Variants in CNTNAP4 observed in about 807,000 individuals in gnomAD.
CNTNAP4 encodes contactin-associated protein-like 4.
Under a neutral mutation model 148.4 loss-of-function variants are expected in CNTNAP4, and 98 were observed. The observed-to-expected ratio is 0.66, with a 90% CI of 0.56 to 0.78. CNTNAP4 has a LOEUF of 0.78. Among genes scored for constraint, CNTNAP4 ranks in the 30% least tolerant of loss-of-function variants. The pLI, the probability that CNTNAP4 is intolerant of heterozygous loss-of-function variation, is 0.00. For missense variants in CNTNAP4, 1,935 were observed against 1,565.6 expected (o/e 1.24, Z -3.98); for synonymous variants, 730 against 565.1 (o/e 1.29, Z -4.14).
Position 76,509,500 on chromosome 16 carries a change from G to A in CNTNAP4, c.2365+10806G>A, listed in dbSNP as rs1410251038. Among the ~76,000 whole-genome samples the A allele has an allele frequency of 5.1e-5, 5 of 97,672 alleles. 2 individuals carry two copies. Among genetic ancestry groups the A allele is most frequent in the Admixed American group, 3.0e-4 (3 of 10,096 alleles). The allele number at this position is 97,672 out of a possible 152,430, so 64.1% of individuals were successfully genotyped here. On this transcript the variant is annotated intron_variant, in intron 15 of 23. Transcript: ENST00000611870. ...AAAACACCAAATTTAAGCCAAGATG[G>A]CTCATGAAATTTATATATCTAACGA...
intron 8 of CNTNAP4, among the ~76,000 whole-genome samples, chr16:76,457,883 A>G (rs372368649): frequency 2.7e-5 from 4 of 150,442 alleles, no homozygotes; most frequent in Admixed American, 1.3e-4. Flanking sequence ...TTGGGTTTCA[A>G]TTGAACCCAT....
chr16:76,540,233 G>GA (rs1442876774), intron 20 of CNTNAP4, among the ~76,000 whole-genome samples: 1 of 152,060 alleles, frequency 6.6e-6, no homozygotes, highest in Non-Finnish European at 1.5e-5. Context: ...TCACAGCAAA[G>GA]AAAATGGAAT....
Position 76,355,462 on chromosome 16 carries a change from G to C in CNTNAP4, c.341G>C (p.Ser114Thr). Residue 114 changes from serine (S) to threonine (T), a missense_variant, in exon 3 of 24, where the codon AGT (serine) becomes ACT (threonine). Transcript: ENST00000611870. Reference sequence around the variant, plus strand: ...GTGACCAGCTACCTCCTGATGTTCAGTGATAGTGGCTGGAACTGGAAACAA... The same window carrying C: ...GTGACCAGCTACCTCCTGATGTTCACTGATAGTGGCTGGAACTGGAAACAA... ...NWVTSYLLMF[S>T]DSGWNWKQYR... is the part of the protein sequence containing the mutation. The C allele has an allele frequency of 6.2e-7, 1 of 1,612,900 alleles. No individual in the cohort carries two copies. The highest frequency in any genetic ancestry group is 1.1e-5 in the South Asian group (1 of 90,948).
intron 5 of CNTNAP4, among the ~76,000 whole-genome samples, chr16:76,448,529 A>G (rs558294855): frequency 2.0e-5 from 3 of 152,312 alleles, no homozygotes; most frequent in Admixed American, 1.3e-4. Context: ...TAAAATTTAC[A>G]TAGAAAATGA....
chr16:76,544,234 T>G lies in CNTNAP4; in HGVS notation c.3442+3444T>G, dbSNP rs558290204. Among the ~76,000 whole-genome samples the G allele has an allele frequency of 2.0e-5, 3 of 152,220 alleles. No homozygotes were observed. In the South Asian group the frequency reaches 6.2e-4, roughly 32 times the overall value. ...CCTTTTTTTTTTTTGGAGTTGTAAT[T>G]TGCCTACAATTACAACAAACGACTT... is the stretch of plus-strand genomic sequence containing the variant. On this transcript the variant is annotated intron_variant, in intron 21 of 23. Coordinates refer to ENST00000611870, the MANE Select transcript of CNTNAP4 (RefSeq NM_033401.5).
chr16:76,558,348 C>A, intron 23 of CNTNAP4, 142 bp from the exon 24 acceptor site: 2 of 529,650 alleles, frequency 3.8e-6, no homozygotes, highest in South Asian at 6.6e-5. Context: ...GCCAGAAATA[C>A]CTGAAGTTTT....
At chr16:76,524,779 A>G (rs1036861505) in intron 17 of CNTNAP4, among the ~76,000 whole-genome samples, 1 of 152,174 alleles carries the variant, frequency 6.6e-6, no homozygotes, top group Non-Finnish European at 1.5e-5. Flanking sequence ...TGTATAAAAA[A>G]TAACTGTTGA....
chr16:76,421,497 T>A (rs1891564267), intron 3 of CNTNAP4, among the ~76,000 whole-genome samples: 1 of 152,102 alleles, frequency 6.6e-6, no homozygotes, highest in South Asian at 2.1e-4. Flanking sequence ...GTTACTCTCA[T>A]CTGGGTTTAT....
In CNTNAP4 at chr16:76,418,340, GC is replaced by G. The variant is rs765393709; in HGVS notation, c.391-9111del. Among the ~76,000 whole-genome samples, 425 of 119,418 alleles carry G rather than the reference GC, an allele frequency of 3.6e-3. 1 individual carries two copies. Among genetic ancestry groups the G allele is most frequent in the Middle Eastern group, 7.9e-3 (2 of 252 alleles). 78.3% of individuals were successfully genotyped at this position (119,418 alleles called of 152,430 possible). On this transcript the variant is annotated intron_variant, in intron 3 of 23. Coordinates refer to ENST00000611870, the MANE Select transcript of CNTNAP4 (RefSeq NM_033401.5). The stretch of plus-strand genomic sequence containing the variant: ...TTTTTCTTTTTCTTTTTCTATTACA[GC>G]TTTTTTTTTCTTTGTCTATTACAGC...
chr16:76,487,302 C>T (rs746290952), intron 12 of CNTNAP4, among the ~76,000 whole-genome samples: 7 of 152,158 alleles, frequency 4.6e-5, no homozygotes, highest in South Asian at 4.1e-4. Flanking sequence ...ATGTCTTCTG[C>T]GTTTTCTATC....
At chr16:76,322,691 C>T (rs1962549157) in intron 2 of CNTNAP4, among the ~76,000 whole-genome samples, 1 of 152,152 alleles carries the variant, frequency 6.6e-6, no homozygotes. Flanking sequence ...ACATTTTAAC[C>T]AGTTTCAAAG....
In CNTNAP4 at chr16:76,452,221, G is replaced by C. The variant is rs150013670; in HGVS notation, c.1072-287G>C. Among the ~76,000 whole-genome samples, 272 of 152,170 alleles carry C rather than the reference G, an allele frequency of 1.8e-3. 1 individual carries two copies. Among genetic ancestry groups the C allele is most frequent in the African/African-American group, 6.4e-3 (264 of 41,522 alleles). The stretch of plus-strand genomic sequence containing the variant: ...TCACAGATTCATAATAGAGCCAAAT[G>C]TTTTCGTTTGACCAAGACCAAATGT... On this transcript the variant is annotated intron_variant, in intron 7 of 23. Coordinates refer to ENST00000611870, the MANE Select transcript of CNTNAP4 (RefSeq NM_033401.5).
chr16:76,514,607 C>G (rs150157011), intron 15 of CNTNAP4, among the ~76,000 whole-genome samples: 1,951 of 152,188 alleles, frequency 0.013, 18 homozygotes, highest in Non-Finnish European at 0.017. Flanking sequence ...TTTATGGAAA[C>G]ATCTATGAAC....
chr16:76,479,572 T>A (rs371586507), intron 12 of CNTNAP4, 34 bp downstream of exon 12: 2 of 1,589,254 alleles, frequency 1.3e-6, no homozygotes, highest in Non-Finnish European at 1.7e-6. Flanking sequence ...ACAGTTAAAT[T>A]TGCATGCATG....
At chr16:76,311,954 A>G (rs991094335) in intron 1 of CNTNAP4, among the ~76,000 whole-genome samples, 2 of 152,206 alleles carry the variant, frequency 1.3e-5, no homozygotes, top group African/African-American at 4.8e-5. Context: ...GTTATTTCCA[A>G]TTTGAAAAGC....
chr16:76,329,550 A>G (rs887175507), intron 2 of CNTNAP4, among the ~76,000 whole-genome samples: 3 of 152,338 alleles, frequency 2.0e-5, no homozygotes, highest in East Asian at 1.9e-4. Flanking sequence ...TGTGATTTTT[A>G]TAAAGTCTTT....
chr16:76,497,713 G>C (rs527926209), intron 14 of CNTNAP4, among the ~76,000 whole-genome samples: 2 of 152,142 alleles, frequency 1.3e-5, no homozygotes, highest in Non-Finnish European at 2.9e-5. Flanking sequence ...GGATAGGGGA[G>C]GGATAGCATT....
chr16:76,530,098 A>G (rs1271461247), intron 17 of CNTNAP4, among the ~76,000 whole-genome samples: 1 of 152,066 alleles, frequency 6.6e-6, no homozygotes, highest in East Asian at 1.9e-4. Context: ...AGTCCTTTTC[A>G]TATAAATTTA....
At chr16:76,393,911 C>G (rs1354192161) in intron 3 of CNTNAP4, among the ~76,000 whole-genome samples, 1 of 152,152 alleles carries the variant, frequency 6.6e-6, no homozygotes, top group Non-Finnish European at 1.5e-5. Flanking sequence ...ATAGTCAACA[C>G]AATTGCTTTA....
Sources: allele counts gnomAD v4.1 joint callset (sites outside exome capture counted in the v4.1 genomes callset), GRCh38; gene constraint gnomAD v4.1.1; transcripts MANE v1.5; gene names NCBI Gene and HGNC (gene_info 2026-07-23, HGNC 2026-07-21).